RLIM: variants seen among roughly 807,000 people sequenced by gnomAD.
RLIM encodes the protein E3 ubiquitin-protein ligase RLIM.
In RLIM, 2 loss-of-function variants were observed where a neutral mutation model predicts 34.0. The ratio of observed to expected loss-of-function variants is 0.06; its 90% confidence interval spans 0.02 to 0.19. The LOEUF (loss-of-function observed/expected upper bound fraction) is 0.19. Ranked by LOEUF, RLIM falls within the 10% of genes least tolerant of loss-of-function variation. The pLI, the probability that RLIM is intolerant of heterozygous loss-of-function variation, is 1.00. For synonymous variants in RLIM, 169 were observed against 164.0 expected, an observed-to-expected ratio of 1.03 and a Z score of -0.23; for missense variants, 286 against 479.7, an observed-to-expected ratio of 0.60 and a Z score of 3.77.
chrX:74,593,332 T>C (rs1415515663), intron 3 of RLIM, among the ~76,000 whole-genome samples: 2 of 112,452 alleles, frequency 1.8e-5, no homozygotes, highest in Non-Finnish European at 3.8e-5. Context: ...TTTTATCATA[T>C]ACAGAGCCAA....
At chrX:74,605,569 A>T (rs1487629098) in intron 1 of RLIM, among the ~76,000 whole-genome samples, 1 of 112,216 alleles carries the variant, frequency 8.9e-6, no homozygotes, top group Non-Finnish European at 1.9e-5. Flanking sequence ...GGATCTTTCA[A>T]CATCATCGTA....
intron 1 of RLIM, among the ~76,000 whole-genome samples, chrX:74,596,291 G>A (rs1024359867): frequency 8.9e-6 from 1 of 112,579 alleles, no homozygotes; most frequent in East Asian, 2.8e-4. Flanking sequence ...TCTCAACCAG[G>A]CTAGAGTGTA....
At chrX:74,610,519 G>A (rs1023850255) in intron 1 of RLIM, among the ~76,000 whole-genome samples, 6 of 107,487 alleles carry the variant, frequency 5.6e-5, no homozygotes, top group African/African-American at 1.4e-4. Flanking sequence ...AAAATCTAGA[G>A]CAAAAATACC....
chrX:74,612,813 G>T (rs1602172533), intron 1 of RLIM, among the ~76,000 whole-genome samples: 1 of 111,196 alleles, frequency 9.0e-6, no homozygotes, highest in South Asian at 3.7e-4. Flanking sequence ...CCAGGAGTTA[G>T]ATAAAAGATG....
At chrX:74,593,258 A>C (rs1177603597) in intron 3 of RLIM, among the ~76,000 whole-genome samples, 197 bp from the exon 4 acceptor site, 1 of 112,661 alleles carries the variant, frequency 8.9e-6, no homozygotes, top group African/African-American at 3.2e-5. Context: ...AGCAAGCTAC[A>C]CTAGAGAAAT....
In RLIM at chrX:74,587,860, A is replaced by G. The variant is rs1356188582; in HGVS notation, c.*3580T>C. On this transcript the variant is annotated 3_prime_UTR_variant, in exon 4 of 4. Coordinates refer to ENST00000332687, the MANE Select transcript of RLIM (RefSeq NM_016120.4). Reference sequence around the variant, plus strand: ...CGGGGGACACATTACTTGAGGCAACACTTACAGCCAATCAGTTTCCTAATC... The same window carrying G: ...CGGGGGACACATTACTTGAGGCAACGCTTACAGCCAATCAGTTTCCTAATC... 1.8e-5 allele frequency: 2 copies of G among 111,998 alleles called. No homozygotes were observed. The highest frequency in any genetic ancestry group is 1.9e-4 in the Admixed American group (2 of 10,598). The allele number at this position is 111,998 out of a possible 1,213,427, so 9.2% of individuals were successfully genotyped here.
intron 1 of RLIM, among the ~76,000 whole-genome samples, chrX:74,604,604 C>G (rs2079675368): frequency 1.8e-5 from 2 of 111,556 alleles, no homozygotes; most frequent in South Asian, 7.4e-4. Flanking sequence ...TAAGTCTTTC[C>G]TATGCTCATG....
At position 74,598,948 on chromosome X, in the gene RLIM, G is replaced by T. The variant is rs565600354; in HGVS notation, c.-23-2948C>A. ...TGGACATTTGCAAATGACTAATAAG[G>T]AATACTAGCTATGAATCCCAATTAA... On this transcript the variant is annotated intron_variant, in intron 1 of 3. Coordinates refer to ENST00000332687, the MANE Select transcript of RLIM (RefSeq NM_016120.4). Among the ~76,000 whole-genome samples the T allele has an allele frequency of 1.3e-4, 14 of 111,234 alleles. No individual in the cohort carries two copies. In the South Asian group the frequency reaches 5.2e-3, roughly 42 times the overall value.
In RLIM at chrX:74,583,357, C is replaced by T. The variant is rs1931261353; in HGVS notation, c.*8083G>A. The T allele has an allele frequency of 9.7e-6, 8 of 822,723 alleles. No homozygotes were observed. In the East Asian group the frequency reaches 2.5e-4, roughly 26 times the overall value. 67.8% of individuals were successfully genotyped at this position (822,723 alleles called of 1,213,427 possible). A position where few individuals can be genotyped will look rare whatever the true frequency, so the allele number is the denominator to read the frequency against. ...TGAGGGGCAGATGCCAACATGGAAACAGTCAAAGGTTCCTGACCTTGTACA... is the reference window on the plus strand; with the variant it reads ...TGAGGGGCAGATGCCAACATGGAAATAGTCAAAGGTTCCTGACCTTGTACA... On this transcript the variant is annotated 3_prime_UTR_variant, in exon 4 of 4. Transcript: ENST00000332687.
chrX:74,611,627 C>T (rs2079711383), intron 1 of RLIM, among the ~76,000 whole-genome samples: 1 of 111,841 alleles, frequency 8.9e-6, no homozygotes, highest in African/African-American at 3.2e-5. Flanking sequence ...GCTGGATAAC[C>T]TTTAAGTATT....
chrX:74,603,425 A>G lies in RLIM; in HGVS notation c.-23-7425T>C, dbSNP rs1359552925. 5.4e-5 allele frequency among the ~76,000 whole-genome samples: 6 copies of G among 111,319 alleles called. No individual in the cohort carries two copies. The Admixed American group carries it at 5.8e-4, about 11-fold the overall frequency. ...TACTATCTCAGCTAGCAATTTTTCC[A>G]TCCATCTCTGCATATAGCACTTGTC... On this transcript the variant is annotated intron_variant, in intron 1 of 3. Coordinates refer to ENST00000332687, the MANE Select transcript of RLIM (RefSeq NM_016120.4).
chrX:74,609,259 G>A (rs1476433121), intron 1 of RLIM, among the ~76,000 whole-genome samples: 4 of 109,693 alleles, frequency 3.6e-5, no homozygotes, highest in East Asian at 2.9e-4. Context: ...AGGCCGAGAC[G>A]GGCAGATCAC....
rs766523725 is a variant in RLIM, at chrX:74,591,913, TGGAAC to T, written c.1397_1401del (p.Ser466LysfsTer11). 5 of 1,183,572 alleles carry T rather than the reference TGGAAC, an allele frequency of 4.2e-6. No individual in the cohort carries two copies. In the African/African-American group the frequency reaches 7.6e-5, roughly 18 times the overall value. On this transcript the variant is annotated frameshift_variant, in exon 4 of 4. Transcript: ENST00000332687. LOFTEE classifies it high-confidence loss of function. ...CTGGAACTGGAACTTGAACTGGAAC[TGGAAC>T]TCGAACTGGAACTGGAACTCGAACT...
chrX:74,599,131 T>A (rs1358846862), intron 1 of RLIM, among the ~76,000 whole-genome samples: 5 of 112,127 alleles, frequency 4.5e-5, no homozygotes, highest in South Asian at 3.7e-4. Flanking sequence ...TCAATTTTGC[T>A]TTTTGATCTG....
chrX:74,587,310 T>G lies in RLIM; in HGVS notation c.*4130A>C, dbSNP rs895305868. On this transcript the variant is annotated 3_prime_UTR_variant, in exon 4 of 4. Coordinates refer to ENST00000332687, the MANE Select transcript of RLIM (RefSeq NM_016120.4). Reference sequence around the variant, plus strand: ...CACACCTGACACTTTAACATGTGCCTTAACAATCTTGCATACTAAGGTACA... The same window carrying G: ...CACACCTGACACTTTAACATGTGCCGTAACAATCTTGCATACTAAGGTACA... 1 of 111,049 alleles carries G rather than the reference T, an allele frequency of 9.0e-6. No individual in the cohort carries two copies. The highest frequency in any genetic ancestry group is 3.3e-5 in the African/African-American group (1 of 30,577). 9.2% of individuals were successfully genotyped at this position (111,049 alleles called of 1,213,427 possible). A position where few individuals can be genotyped will look rare whatever the true frequency, so the allele number is the denominator to read the frequency against.
rs1196321097 is a variant in RLIM, at chrX:74,586,466, AAAAT to A, written c.*4970_*4973del. On this transcript the variant is annotated 3_prime_UTR_variant, in exon 4 of 4. Transcript: ENST00000332687. Reference sequence around the variant, plus strand: ...GAACTTTAATAAACAAATCCTAATAAAAATAAATAATTTTTAGAATGTTGGAGGG... The same window carrying A: ...GAACTTTAATAAACAAATCCTAATAAAAATAATTTTTAGAATGTTGGAGGG... 2 of 112,408 alleles carry A rather than the reference AAAAT, an allele frequency of 1.8e-5. No individual in the cohort carries two copies. The highest frequency in any genetic ancestry group is 4.6e-3 in the Middle Eastern group (1 of 218). 9.3% of individuals were successfully genotyped at this position (112,408 alleles called of 1,213,427 possible). A position where few individuals can be genotyped will look rare whatever the true frequency, so the allele number is the denominator to read the frequency against.
At chrX:74,605,603 T>C (rs1459235579) in intron 1 of RLIM, among the ~76,000 whole-genome samples, 1 of 112,111 alleles carries the variant, frequency 8.9e-6, no homozygotes, top group Non-Finnish European at 1.9e-5. Context: ...TAAATCCATT[T>C]CTTTAGTTAT....
intron 1 of RLIM, among the ~76,000 whole-genome samples, chrX:74,605,031 G>A (rs760280058): frequency 4.5e-5 from 5 of 111,091 alleles, no homozygotes; most frequent in African/African-American, 1.6e-4. Flanking sequence ...GCTGGAATTG[G>A]GGGTCAAGAG....
In RLIM at chrX:74,596,015, G is replaced by T. The variant is rs748677198; in HGVS notation, c.-23-15C>A. On this transcript the variant is annotated splice_polypyrimidine_tract_variant and intron_variant, in intron 1 of 3. Coordinates refer to ENST00000332687, the MANE Select transcript of RLIM (RefSeq NM_016120.4). Reference sequence around the variant, plus strand: ...GTGGAAAATACCTGAAAAGAGAAAAGAGACTAATCTTGAAAATAAAGGTCA... The same window carrying T: ...GTGGAAAATACCTGAAAAGAGAAAATAGACTAATCTTGAAAATAAAGGTCA... The T allele has an allele frequency of 2.9e-6, 3 of 1,033,179 alleles. No homozygotes were observed. Among genetic ancestry groups the T allele is most frequent in the East Asian group, 6.3e-5 (2 of 31,875 alleles). 85.1% of individuals were successfully genotyped at this position (1,033,179 alleles called of 1,213,427 possible).
Sources: gnomAD v4.1 joint callset for allele counts (sites outside exome capture counted in the v4.1 genomes callset) on GRCh38, gnomAD v4.1.1 for gene constraint, MANE v1.5 for transcripts, NCBI Gene and HGNC (gene_info 2026-07-23, HGNC 2026-07-21) for gene names.